HLA-DOA: variants seen among roughly 807,000 people sequenced by gnomAD.
HLA-DOA encodes the protein HLA class II histocompatibility antigen, DO alpha chain.
HLA-DOA carries 27 observed loss-of-function variants against 22.9 expected under a neutral mutation model. The observed-to-expected ratio is 1.18, with a 90% CI of 0.87 to 1.62. The LOEUF is 1.62. HLA-DOA is among the 40% of genes most tolerant of loss of function. The pLI is 0.00. For missense variants in HLA-DOA, 324 were observed against 332.4 expected (o/e 0.97, Z 0.20); for synonymous variants, 137 against 138.6 (o/e 0.99, Z 0.08).
rs1384142637 is a variant in HLA-DOA at position 33,004,894 on chromosome 6, C to G, written c.*1944G>C. 1 of 152,226 alleles carries G rather than the reference C, an allele frequency of 6.6e-6. No individual in the cohort carries two copies. The highest frequency in any genetic ancestry group is 1.9e-4 in the East Asian group (1 of 5,202). 9.4% of individuals were successfully genotyped at this position (152,226 alleles called of 1,614,324 possible). A position where few individuals can be genotyped will look rare whatever the true frequency, so the allele number is the denominator to read the frequency against. Reference sequence around the variant, plus strand: ...TCCACTTCCATCAGGGTCTTCTGGTCATTGATTTCAACTTATTCTCTCTTA... The same window carrying G: ...TCCACTTCCATCAGGGTCTTCTGGTGATTGATTTCAACTTATTCTCTCTTA... On this transcript the variant is annotated 3_prime_UTR_variant, in exon 5 of 5. Transcript: ENST00000229829.
rs1401407730 is a variant in HLA-DOA, at chr6:33,009,382, A to T, written c.82+73T>A. The T allele has an allele frequency of 1.8e-6, 2 of 1,094,554 alleles. No homozygotes were observed. Among genetic ancestry groups the T allele is most frequent in the African/African-American group, 3.2e-5 (2 of 63,204 alleles). The allele number at this position is 1,094,554 out of a possible 1,614,324, so 67.8% of individuals were successfully genotyped here. On this transcript the variant is annotated intron_variant, in intron 1 of 4. Coordinates refer to ENST00000229829, the MANE Select transcript of HLA-DOA (RefSeq NM_002119.4). This position sits in a 1 kb window ranked among gnomAD's most constrained non-coding sequence, Gnocchi z 4.8. The stretch of plus-strand genomic sequence containing the variant: ...AGAGCGAGAGGAACAAGCATCCTCC[A>T]TGCCACCTCCTCATGTAACCCAACT...
At position 33,009,415 on chromosome 6, in the gene HLA-DOA, T is replaced by G. The variant is rs1164435136; in HGVS notation, c.82+40A>C. The G allele has an allele frequency of 6.9e-7, 1 of 1,458,692 alleles. No individual in the cohort carries two copies. Among genetic ancestry groups the G allele is most frequent in the Non-Finnish European group, 9.2e-7 (1 of 1,082,376 alleles). The allele number at this position is 1,458,692 out of a possible 1,614,324, so 90.4% of individuals were successfully genotyped here. ...TCCTCATGTAACCCAACTCCGTAAA[T>G]CTCTGCTCCCCGCCGCACCCTCCTC... On this transcript the variant is annotated intron_variant, in intron 1 of 4. Transcript: ENST00000229829. This position sits in a 1 kb window ranked among gnomAD's most constrained non-coding sequence, Gnocchi z 4.8.
In HLA-DOA at chr6:33,007,331, G is replaced by T; in HGVS notation, c.593C>A (p.Ala198Glu). 1.2e-6 allele frequency: 2 copies of T among 1,612,316 alleles called. No homozygotes were observed. Among genetic ancestry groups the T allele is most frequent in the Non-Finnish European group, 8.5e-7 (1 of 1,179,560 alleles). ...DCQVEHWGLD[A>E]PLLRHWELQV... ...CGTACCCCAATGCCTGAGGAGTGGC[G>T]CATCCAGGCCCCAGTGCTCCACCTG... The change falls in exon 3 of 5, where the codon GCG (alanine) becomes GAG (glutamate). Residue 198 changes from alanine to glutamate, a missense_variant. Coordinates refer to ENST00000229829, the MANE Select transcript of HLA-DOA (RefSeq NM_002119.4).
rs1780795068 is a variant in HLA-DOA at position 33,005,989 on chromosome 6, T to C, written c.*849A>G. ...TCCTGACATAAACTATGTGGTATGGTGATTTATCTCTTTGTATGTTTTAAA... is the reference window on the plus strand; with the variant it reads ...TCCTGACATAAACTATGTGGTATGGCGATTTATCTCTTTGTATGTTTTAAA... On this transcript the variant is annotated 3_prime_UTR_variant, in exon 5 of 5. Transcript: ENST00000229829. 6.6e-6 allele frequency: 1 copy of C among 152,242 alleles called. No homozygotes were observed. The highest frequency in any genetic ancestry group is 1.5e-5 in the Non-Finnish European group (1 of 68,050). The allele number at this position is 152,242 out of a possible 1,614,324, so 9.4% of individuals were successfully genotyped here.
rs762623690 is a variant in HLA-DOA, at chr6:33,009,481, C to T, written c.56G>A (p.Ser19Asn). Residue 19 changes from serine to asparagine, a missense_variant, in exon 1 of 5, where the codon AGC becomes AAC. By Grantham distance (46) the Ser-to-Asn change is conservative. Transcript: ENST00000229829. The surrounding 1 kb of genome is among the most constrained non-coding windows in gnomAD (Gnocchi z 4.8). ...LGFHTLMTLL[S>N]PQEAGATKAD... ...CTTGGTGGCCCCTGCCTCCTGCGGG[C>T]TCAGGAGGGTCATCAGGGTGTGGAA... is the stretch of plus-strand genomic sequence containing the variant. 24 of 1,605,310 alleles carry T rather than the reference C, an allele frequency of 1.5e-5. No individual in the cohort carries two copies. The Admixed American group carries it at 2.7e-4, about 18-fold the overall frequency.
In HLA-DOA at chr6:33,005,013, G is replaced by C. The variant is rs975664225; in HGVS notation, c.*1825C>G. 8.5e-5 allele frequency: 13 copies of C among 152,228 alleles called. No individual in the cohort carries two copies. The highest frequency in any genetic ancestry group is 3.1e-4 in the African/African-American group (13 of 41,414). The allele number at this position is 152,228 out of a possible 1,614,324, so 9.4% of individuals were successfully genotyped here. A position where few individuals can be genotyped will look rare whatever the true frequency, so the allele number is the denominator to read the frequency against. On this transcript the variant is annotated 3_prime_UTR_variant, in exon 5 of 5. Transcript: ENST00000229829. ...ACCCTCATTTTGCCTCTATTTACTT[G>C]TACCTTGATTGGCTGATGCCCTAAC...
rs562887205 is a variant in HLA-DOA at position 33,009,027 on chromosome 6, C to T, written c.82+428G>A. Reference sequence around the variant, plus strand: ...AAAAAAAGATGAACCATCTGTAGACCCGCACCCCAGCTCATGTCTCCCGAA... The same window carrying T: ...AAAAAAAGATGAACCATCTGTAGACTCGCACCCCAGCTCATGTCTCCCGAA... On this transcript the variant is annotated intron_variant, in intron 1 of 4. Transcript: ENST00000229829. The surrounding 1 kb of genome is among the most constrained non-coding windows in gnomAD (Gnocchi z 4.8). Among the ~76,000 whole-genome samples the T allele has an allele frequency of 6.6e-6, 1 of 152,244 alleles. No individual in the cohort carries two copies. Among genetic ancestry groups the T allele is most frequent in the Admixed American group, 6.5e-5 (1 of 15,302 alleles).
In HLA-DOA at chr6:33,007,066, CG is replaced by C; in HGVS notation, c.749+13del. ...TTTCCTCCCCCACCCCCCAGACTCC[CG>C]GGGCCTCTGCACCTGGGGACACTGG... On this transcript the variant is annotated intron_variant, in intron 4 of 4. Coordinates refer to ENST00000229829, the MANE Select transcript of HLA-DOA (RefSeq NM_002119.4). 6.2e-7 allele frequency: 1 copy of C among 1,602,710 alleles called. No homozygotes were observed.
rs1780967240 is a variant in HLA-DOA, at chr6:33,009,324, G to A, written c.82+131C>T. The A allele has an allele frequency of 1.8e-6, 1 of 571,254 alleles. No individual in the cohort carries two copies. Among genetic ancestry groups the A allele is most frequent in the Non-Finnish European group, 3.0e-6 (1 of 336,638 alleles). 35.4% of individuals were successfully genotyped at this position (571,254 alleles called of 1,614,324 possible). On this transcript the variant is annotated intron_variant, in intron 1 of 4. Coordinates refer to ENST00000229829, the MANE Select transcript of HLA-DOA (RefSeq NM_002119.4). This position sits in a 1 kb window ranked among gnomAD's most constrained non-coding sequence, Gnocchi z 4.8. The stretch of plus-strand genomic sequence containing the variant: ...GTGACAGAGATGAGGGGGATTGGGT[G>A]TCTCTTGGTGAAGGAAGTTGCCCAT...
Position 33,006,700 on chromosome 6 carries a change from C to G in HLA-DOA, c.*138G>C. On this transcript the variant is annotated 3_prime_UTR_variant, in exon 5 of 5. Transcript: ENST00000229829. ...AATACTGGGGCCAAAAAAGAGGGGACCCGTAGGACAGATGTTGATCCCACT... is the reference window on the plus strand; with the variant it reads ...AATACTGGGGCCAAAAAAGAGGGGAGCCGTAGGACAGATGTTGATCCCACT... 1 of 1,381,996 alleles carries G rather than the reference C, an allele frequency of 7.2e-7. No homozygotes were observed. 85.6% of individuals were successfully genotyped at this position (1,381,996 alleles called of 1,614,324 possible). A position where few individuals can be genotyped will look rare whatever the true frequency, so the allele number is the denominator to read the frequency against.
intron 4 of HLA-DOA, 112 bp from the exon 5 acceptor site, chr6:33,006,953 C>G (rs1687075092): frequency 6.8e-7 from 1 of 1,467,832 alleles, no homozygotes; most frequent in African/African-American, 1.4e-5. Flanking sequence ...ACCTCTGCTT[C>G]TTTTCTCCCT....
In HLA-DOA at chr6:33,006,682, G is replaced by GACCCTAC; in HGVS notation, c.*155_*156insGTAGGGT. The GACCCTAC allele has an allele frequency of 1.8e-6, 2 of 1,136,300 alleles. No homozygotes were observed. Among genetic ancestry groups the GACCCTAC allele is most frequent in the African/African-American group, 1.5e-5 (1 of 66,058 alleles). 70.4% of individuals were successfully genotyped at this position (1,136,300 alleles called of 1,614,324 possible). On this transcript the variant is annotated 3_prime_UTR_variant, in exon 5 of 5. Transcript: ENST00000229829. ...CCAACAAACCCTGCCATGAATACTG[G>GACCCTAC]GGCCAAAAAAGAGGGGACCCGTAGG...
Position 33,009,440 on chromosome 6 carries a change from C to T in HLA-DOA, c.82+15G>A. ...TCTCTGCTCCCCGCCGCACCCTCCT[C>T]GCCCTCGCACTCACCCTTGGTGGCC... On this transcript the variant is annotated intron_variant, in intron 1 of 4. Transcript: ENST00000229829. This position sits in a 1 kb window ranked among gnomAD's most constrained non-coding sequence, Gnocchi z 4.8. 6.4e-7 allele frequency: 1 copy of T among 1,566,286 alleles called. No individual in the cohort carries two copies. The highest frequency in any genetic ancestry group is 8.6e-7 in the Non-Finnish European group (1 of 1,156,778).
rs367971885 is a variant in HLA-DOA at position 33,004,309 on chromosome 6, G to C, written c.*2529C>G. 6.6e-6 allele frequency: 1 copy of C among 152,178 alleles called. No homozygotes were observed. Among genetic ancestry groups the C allele is most frequent in the African/African-American group, 2.4e-5 (1 of 41,446 alleles). The allele number at this position is 152,178 out of a possible 1,614,324, so 9.4% of individuals were successfully genotyped here. On this transcript the variant is annotated 3_prime_UTR_variant, in exon 5 of 5. Transcript: ENST00000229829. Reference sequence around the variant, plus strand: ...ATCAGCAGAGATCAGAGATTGTTGGGTACACACGTATCTTGTGATGTCTTC... The same window carrying C: ...ATCAGCAGAGATCAGAGATTGTTGGCTACACACGTATCTTGTGATGTCTTC...
chr6:33,008,242 G>C lies in HLA-DOA; in HGVS notation c.102C>G (p.Tyr34Ter). 1.2e-6 allele frequency: 2 copies of C among 1,612,962 alleles called. No individual in the cohort carries two copies. Among genetic ancestry groups the C allele is most frequent in the East Asian group, 2.2e-5 (1 of 44,880 alleles). The stretch of plus-strand genomic sequence containing the variant: ...CGTAAGACTGGTAGAAGGCGGGTCC[G>C]TAGGAGCCCATGTGGTCAGCTGTGT... ...GATKADHMGSYGPAFYQSYGA... is the reference protein window; with the variant it reads ...GATKADHMGS Residue 34 changes from tyrosine (Y) to a stop codon, truncating the protein, a stop_gained, in exon 2 of 5, where the codon TAC becomes TAG. Coordinates refer to ENST00000229829, the MANE Select transcript of HLA-DOA (RefSeq NM_002119.4). LOFTEE classifies it high-confidence loss of function.
chr6:33,007,860 G>T, intron 2 of HLA-DOA, 153 bp downstream of exon 2: 1 of 1,104,698 alleles, frequency 9.1e-7, no homozygotes, highest in Non-Finnish European at 1.3e-6. Context: ...AAAGGGGTCT[G>T]GGAAGACCTG....
At chr6:33,006,916 TC>T in intron 4 of HLA-DOA, 75 bp from the exon 5 acceptor site, 1 of 1,455,550 alleles carries the variant, frequency 6.9e-7, no homozygotes, top group Non-Finnish European at 9.6e-7. Context: ...AGTGCCCACC[TC>T]CCCCAAAACC....
At chr6:33,008,439 A>G in intron 1 of HLA-DOA, 178 bp from the exon 2 acceptor site, 1 of 1,422,490 alleles carries the variant, frequency 7.0e-7, no homozygotes, top group African/African-American at 1.4e-5. Context: ...ACAGGAAGAA[A>G]GAGGCTCATC....
Position 33,007,123 on chromosome 6 carries a change from T to C in HLA-DOA, c.706A>G (p.Thr236Ala). 1 of 1,613,836 alleles carries C rather than the reference T, an allele frequency of 6.2e-7. No individual in the cohort carries two copies. The stretch of plus-strand genomic sequence containing the variant: ...TATGTGCCCATGATGATGAGGACGG[T>C]GCCCACGAGGAAGCCCACCAGGCCG... ...AIGLVGFLVG[T>A]VLIIMGTYVS... is the part of the protein sequence containing the mutation. Residue 236 changes from threonine to alanine, a missense_variant, in exon 4 of 5, where the codon ACC becomes GCC. Coordinates refer to ENST00000229829, the MANE Select transcript of HLA-DOA (RefSeq NM_002119.4).
Sources: gnomAD v4.1 joint callset for allele counts (sites outside exome capture counted in the v4.1 genomes callset) on GRCh38, gnomAD v4.1.1 for gene constraint, Gnocchi (gnomAD v3.1) non-coding constraint, MANE v1.5 for transcripts, NCBI Gene and HGNC (gene_info 2026-07-23, HGNC 2026-07-21) for gene names.